CLTB: variants seen among roughly 807,000 people sequenced by gnomAD.
CLTB encodes clathrin light chain B.
In CLTB, 10 loss-of-function variants were observed where a neutral mutation model predicts 30.5. The observed-to-expected ratio is 0.33, with a 90% CI of 0.20 to 0.56. CLTB has a LOEUF of 0.56. Among genes scored for constraint, CLTB ranks in the 20% least tolerant of loss-of-function variants. The pLI, the probability that CLTB is intolerant of heterozygous loss-of-function variation, is 0.91. For synonymous variants in CLTB, 102 were observed against 120.3 expected (o/e 0.85, Z 1.00); for missense variants, 261 against 308.3 (o/e 0.85, Z 1.15).
chr5:176,402,884 G>A (rs931054244), intron 2 of CLTB, among the ~76,000 whole-genome samples: 9 of 152,112 alleles, frequency 5.9e-5, no homozygotes, highest in Admixed American at 5.9e-4. Flanking sequence ...GGCATTTCAG[G>A]CCAAGAGCCA....
Position 176,392,708 on chromosome 5 carries a change from C to G in CLTB, c.*66G>C. ...AGCTGCTGCGAGTCTCCACCCCGAC[C>G]AAAGCAGCTGCTCCTCCTGTGCCCA... is the stretch of plus-strand genomic sequence containing the variant. On this transcript the variant is annotated 3_prime_UTR_variant, in exon 6 of 6. Coordinates refer to ENST00000310418, the MANE Select transcript of CLTB (RefSeq NM_007097.5). This position sits in a 1 kb window ranked among gnomAD's most constrained non-coding sequence, Gnocchi z 5.2. The G allele has an allele frequency of 1.3e-6, 2 of 1,578,674 alleles. No individual in the cohort carries two copies. The highest frequency in any genetic ancestry group is 1.7e-5 in the Admixed American group (1 of 59,320).
chr5:176,395,672 G>A (rs758727400), intron 5 of CLTB, among the ~76,000 whole-genome samples: 9 of 152,150 alleles, frequency 5.9e-5, no homozygotes, highest in Admixed American at 1.3e-4. Flanking sequence ...ATCACACCAA[G>A]TAGACCCCAA....
At position 176,416,199 on chromosome 5, in the gene CLTB, C is replaced by G. The variant is rs771010857; in HGVS notation, c.165G>C (p.Ala55=). The change falls in exon 1 of 6, where the codon GCG becomes GCC. Residue 55 remains alanine (A), a synonymous_variant. Coordinates refer to ENST00000310418, the MANE Select transcript of CLTB (RefSeq NM_007097.5). The stretch of plus-strand genomic sequence containing the variant: ...CACCCCCACTCGTGGGGCCCGGCTG[C>G]GCGGGGGCCGCATGGCTGCCGGCAG... ...GAPAGSHAAP[A]QPGPTSGAGS... 2 of 1,588,256 alleles carry G rather than the reference C, an allele frequency of 1.3e-6. No homozygotes were observed. The highest frequency in any genetic ancestry group is 1.7e-6 in the Non-Finnish European group (2 of 1,170,908).
In CLTB at chr5:176,416,317, G is replaced by A. The variant is rs747521127; in HGVS notation, c.47C>T (p.Pro16Leu). 3 of 1,603,058 alleles carry A rather than the reference G, an allele frequency of 1.9e-6. No individual in the cohort carries two copies. Among genetic ancestry groups the A allele is most frequent in the African/African-American group, 2.7e-5 (2 of 72,820 alleles). ...CGCCGGGTCCTCCTCCGCCGCCTCC[G>A]GGGCACCGCTCTCCGACGACGAGAA... ...GFFSSSESGA[P>L]EAAEEDPAAA... Residue 16 changes from proline to leucine, a missense_variant, in exon 1 of 6, where the codon CCG becomes CTG. By Grantham distance (98) the Pro-to-Leu change is moderately conservative. Coordinates refer to ENST00000310418, the MANE Select transcript of CLTB (RefSeq NM_007097.5).
intron 5 of CLTB, among the ~76,000 whole-genome samples, chr5:176,394,405 C>T (rs1756395342): frequency 6.6e-6 from 1 of 152,264 alleles, no homozygotes; most frequent in African/African-American, 2.4e-5. Context: ...GGCGCAGTGG[C>T]TCACTCCTGT....
chr5:176,409,222 C>T (rs1428678720), intron 2 of CLTB, among the ~76,000 whole-genome samples: 2 of 151,128 alleles, frequency 1.3e-5, no homozygotes, highest in Non-Finnish European at 1.5e-5. Context: ...GATCCACCTG[C>T]CTTGGCCTCC....
intron 2 of CLTB, among the ~76,000 whole-genome samples, chr5:176,400,615 C>T (rs1336437366): frequency 2.0e-5 from 3 of 152,232 alleles, no homozygotes; most frequent in Admixed American, 1.3e-4. Context: ...CCACGCCCTC[C>T]GCATTCCTGT....
At chr5:176,401,878 A>G (rs1431369504) in intron 2 of CLTB, 1 of 418,554 alleles carries the variant, frequency 2.4e-6, no homozygotes, top group Non-Finnish European at 4.8e-6. Flanking sequence ...AATCTCTAAA[A>G]CTCTCCCTCC....
At chr5:176,406,683 A>G in intron 2 of CLTB, 1 of 1,288,890 alleles carries the variant, frequency 7.8e-7, no homozygotes, top group Non-Finnish European at 1.0e-6. Context: ...CTGGGTTTGT[A>G]GCTGGACCCG....
At chr5:176,410,228 T>C (rs1436652782) in intron 2 of CLTB, 29 bp downstream of exon 2, 14 of 1,609,860 alleles carry the variant, frequency 8.7e-6, no homozygotes, top group Non-Finnish European at 1.0e-5. Context: ...TGTTGGTCCT[T>C]ACCACTGCTG....
chr5:176,412,581 G>A (rs1257359749), intron 1 of CLTB, among the ~76,000 whole-genome samples: 1 of 152,218 alleles, frequency 6.6e-6, no homozygotes, highest in South Asian at 2.1e-4. Context: ...TGGACAAATA[G>A]CCCTTCACCA....
intron 1 of CLTB, among the ~76,000 whole-genome samples, chr5:176,415,263 C>T (rs957339386): frequency 1.3e-5 from 2 of 152,172 alleles, no homozygotes; most frequent in African/African-American, 4.8e-5. Flanking sequence ...ACTACAAAAC[C>T]CTGAAGGGCC....
At chr5:176,409,405 CCTTTT>C (rs1414284193) in intron 2 of CLTB, among the ~76,000 whole-genome samples, 1 of 141,034 alleles carries the variant, frequency 7.1e-6, no homozygotes, top group Admixed American at 7.4e-5. Context: ...ATCTGATTGC[CCTTTT>C]TTTTTTTTTT....
At chr5:176,408,807 G>T (rs115311405) in intron 2 of CLTB, among the ~76,000 whole-genome samples, 142 of 152,266 alleles carry the variant, frequency 9.3e-4, no homozygotes, top group South Asian at 4.8e-3. Flanking sequence ...GGCGTAAGCC[G>T]CCGTGCCCGG....
At chr5:176,398,120 AC>A in intron 2 of CLTB, 73 bp from the exon 3 acceptor site, 1 of 1,371,908 alleles carries the variant, frequency 7.3e-7, no homozygotes, top group Non-Finnish European at 1.0e-6. Context: ...CCTGCTGGGG[AC>A]CCACTCATGT....
At chr5:176,400,931 G>A (rs1756786203) in intron 2 of CLTB, among the ~76,000 whole-genome samples, 1 of 152,172 alleles carries the variant, frequency 6.6e-6, no homozygotes. Context: ...GGAACATCAG[G>A]GCTACAGTCT....
intron 2 of CLTB, chr5:176,401,898 C>T (rs539970134): frequency 1.0e-5 from 4 of 389,984 alleles, no homozygotes; most frequent in African/African-American, 2.1e-5. Context: ...CTGCCCTCAC[C>T]GCCCCTGGCC....
At chr5:176,397,828 T>A in intron 3 of CLTB, 102 bp downstream of exon 3, 2 of 1,474,992 alleles carry the variant, frequency 1.4e-6, no homozygotes, top group Non-Finnish European at 9.5e-7. Flanking sequence ...ACCGGCCCAG[T>A]CCCACATTAA....
intron 2 of CLTB, among the ~76,000 whole-genome samples, chr5:176,399,256 G>T (rs1357553901): frequency 6.6e-6 from 1 of 152,180 alleles, no homozygotes; most frequent in African/African-American, 2.4e-5. Flanking sequence ...CCCAGCAGAT[G>T]CTCAGTAGAT....
Sources: allele counts gnomAD v4.1 joint callset (sites outside exome capture counted in the v4.1 genomes callset), GRCh38; gene constraint gnomAD v4.1.1; non-coding constraint Gnocchi (gnomAD v3.1); transcripts MANE v1.5; gene names NCBI Gene and HGNC (gene_info 2026-07-23, HGNC 2026-07-21).